Variants in POU2F3 observed in about 807,000 individuals in gnomAD.
The protein encoded by POU2F3 is POU class 2 homeobox 3.
POU2F3 carries 23 observed loss-of-function variants against 59.2 expected under a neutral mutation model. The observed-to-expected ratio is 0.39, with a 90% confidence interval of 0.28 to 0.55. POU2F3 has a LOEUF of 0.55. Ranked by LOEUF, POU2F3 falls within the 20% of genes least tolerant of loss-of-function variation. The pLI is 0.66. For missense variants in POU2F3, 473 were observed against 544.5 expected (o/e 0.87, Z 1.31); for synonymous variants, 190 against 214.6 (o/e 0.89, Z 1.00).
chr11:120,290,939 C>G (rs1940998769), intron 3 of POU2F3, among the ~76,000 whole-genome samples: 1 of 152,246 alleles, frequency 6.6e-6, no homozygotes, highest in Non-Finnish European at 1.5e-5. Context: ...CATGACATTC[C>G]TGAGCCACCT....
intron 3 of POU2F3, among the ~76,000 whole-genome samples, chr11:120,274,170 CAT>C (rs1940225410): frequency 7.6e-5 from 11 of 144,676 alleles, no homozygotes; most frequent in Admixed American, 7.5e-4. Context: ...TGCACACAAA[CAT>C]AGAGCCTGGC....
intron 8 of POU2F3, 143 bp downstream of exon 8, chr11:120,305,928 C>A: frequency 9.9e-7 from 1 of 1,011,216 alleles, no homozygotes; most frequent in Non-Finnish European, 1.4e-6. Flanking sequence ...AGAAACAAGA[C>A]ACAGGACACA....
chr11:120,263,438 A>G (rs1224546159), intron 2 of POU2F3, among the ~76,000 whole-genome samples: 1 of 152,208 alleles, frequency 6.6e-6, no homozygotes, highest in Non-Finnish European at 1.5e-5. Flanking sequence ...AGCCTACCAA[A>G]TATTTTCTAA....
intron 9 of POU2F3, among the ~76,000 whole-genome samples, chr11:120,309,139 A>G (rs1436704711): frequency 1.3e-5 from 2 of 152,044 alleles, no homozygotes; most frequent in African/African-American, 4.8e-5. Flanking sequence ...CCTACTTTGT[A>G]TCAGGCCCTG....
At chr11:120,261,675 A>G (rs190581540) in intron 2 of POU2F3, among the ~76,000 whole-genome samples, 1 of 152,226 alleles carries the variant, frequency 6.6e-6, no homozygotes, top group Non-Finnish European at 1.5e-5. Flanking sequence ...GAAATGGTGA[A>G]GAGAGTTCTT....
intron 2 of POU2F3, chr11:120,265,432 T>G (rs1939788417): frequency 6.6e-6 from 1 of 152,212 alleles, no homozygotes; most frequent in Non-Finnish European, 1.5e-5. Flanking sequence ...ATCCTGCCCT[T>G]CATTGTGCCT....
In POU2F3 at chr11:120,319,354, C is replaced by CT. The variant is rs1238982750; in HGVS notation, c.*965dup. 5 of 150,078 alleles carry CT rather than the reference C, an allele frequency of 3.3e-5. No homozygotes were observed. Among genetic ancestry groups the CT allele is most frequent in the African/African-American group, 1.2e-4 (5 of 40,644 alleles). 9.3% of individuals were successfully genotyped at this position (150,078 alleles called of 1,614,324 possible). On this transcript the variant is annotated 3_prime_UTR_variant, in exon 13 of 13. Transcript: ENST00000543440. The stretch of plus-strand genomic sequence containing the variant: ...AAATGTCTCTGTAATATTTTATCTT[C>CT]TTTAAAAAAAAGGGGGGGAAATACC...
At chr11:120,237,473 CCCCAGAA>C (rs1358181914), upstream of POU2F3, among the ~76,000 whole-genome samples, 2 of 152,254 alleles carry the variant, frequency 1.3e-5, no homozygotes, top group East Asian at 3.9e-4. Context: ...TCCCCATTCC[CCCCAGAA>C]CCCCAGAATC....
At chr11:120,318,310 A>T (rs769377332) in intron 12 of POU2F3, 43 bp from the exon 13 acceptor site, 1 of 1,552,972 alleles carries the variant, frequency 6.4e-7, no homozygotes, top group South Asian at 1.1e-5. Flanking sequence ...ATCTTACGCC[A>T]TCACATTATT....
chr11:120,288,724 G>A (rs1256991170), intron 3 of POU2F3, among the ~76,000 whole-genome samples: 1 of 141,982 alleles, frequency 7.0e-6, no homozygotes, highest in Non-Finnish European at 1.6e-5. Context: ...TGCCTACTGC[G>A]AGACAGTGAC....
rs372343681 is a variant in POU2F3 at position 120,298,393 on chromosome 11, A to G, written c.258+3A>G. 3 of 1,613,436 alleles carry G rather than the reference A, an allele frequency of 1.9e-6. No individual in the cohort carries two copies. The highest frequency in any genetic ancestry group is 2.5e-6 in the Non-Finnish European group (3 of 1,179,810). On this transcript the variant is annotated splice_donor_region_variant and intron_variant, in intron 4 of 12. Coordinates refer to ENST00000543440, the MANE Select transcript of POU2F3 (RefSeq NM_014352.4). ...GGCTAAATGCCAGCCCATGTCAGGT[A>G]ACACTGTGATTTTCACAGTGGGCCA...
chr11:120,289,392 G>A (rs1204663644), intron 3 of POU2F3, among the ~76,000 whole-genome samples: 1 of 152,182 alleles, frequency 6.6e-6, no homozygotes, highest in African/African-American at 2.4e-5. Flanking sequence ...CCTCGCTACA[G>A]TCATGCTCTC....
chr11:120,261,125 T>C (rs1450545071), intron 2 of POU2F3, among the ~76,000 whole-genome samples: 1 of 136,282 alleles, frequency 7.3e-6, no homozygotes, highest in Non-Finnish European at 1.5e-5. Flanking sequence ...AAACAGTGCT[T>C]TGGGGTTGGA....
chr11:120,242,548 G>T (rs1296141919), intron 1 of POU2F3, among the ~76,000 whole-genome samples: 1 of 152,118 alleles, frequency 6.6e-6, no homozygotes, highest in African/African-American at 2.4e-5. Context: ...CCCAGGGCTG[G>T]GTCCTTGGGG....
chr11:120,242,061 C>A (rs1172387303), intron 1 of POU2F3, among the ~76,000 whole-genome samples: 1 of 152,140 alleles, frequency 6.6e-6, no homozygotes, highest in East Asian at 1.9e-4. Context: ...AGGGCGGGAT[C>A]TCCATGTACC....
intron 2 of POU2F3, among the ~76,000 whole-genome samples, chr11:120,249,096 A>C (rs1387156823): frequency 1.3e-5 from 2 of 152,190 alleles, no homozygotes; most frequent in African/African-American, 4.8e-5. Context: ...GAGCATTCTC[A>C]GGGCCAGACA....
intron 3 of POU2F3, among the ~76,000 whole-genome samples, chr11:120,281,619 C>T (rs905785303): frequency 3.3e-5 from 5 of 152,116 alleles, no homozygotes; most frequent in Non-Finnish European, 5.9e-5. Context: ...TCACATCCTG[C>T]TGTGCTTTTC....
chr11:120,291,250 A>G (rs995475821), intron 3 of POU2F3, among the ~76,000 whole-genome samples: 2 of 152,238 alleles, frequency 1.3e-5, no homozygotes, highest in Non-Finnish European at 2.9e-5. Flanking sequence ...AGTAGGCAAC[A>G]ATTTCAGAGT....
At chr11:120,309,329 G>A in intron 9 of POU2F3, 96 bp from the exon 10 acceptor site, 4 of 1,284,058 alleles carry the variant, frequency 3.1e-6, no homozygotes, top group Non-Finnish European at 4.3e-6. Context: ...TAAAGCTTTT[G>A]ATCCATGTAT....
Sources: gnomAD v4.1 joint callset for allele counts (sites outside exome capture counted in the v4.1 genomes callset) on GRCh38, gnomAD v4.1.1 for gene constraint, MANE v1.5 for transcripts, NCBI Gene and HGNC (gene_info 2026-07-23, HGNC 2026-07-21) for gene names.